KCNIP4: variants seen among roughly 807,000 people sequenced by gnomAD.
KCNIP4 encodes Kv channel-interacting protein 4.
Under a neutral mutation model 34.0 loss-of-function variants are expected in KCNIP4, and 12 were observed. The ratio of observed to expected loss-of-function variants is 0.35; its 90% confidence interval spans 0.23 to 0.57. The LOEUF (loss-of-function observed/expected upper bound fraction) is 0.57. KCNIP4 is among the 20% of genes least tolerant of loss of function. The pLI is 0.83. For synonymous variants in KCNIP4, 124 were observed against 102.2 expected, an observed-to-expected ratio of 1.21 and a Z score of -1.29; for missense variants, 238 against 311.7, an observed-to-expected ratio of 0.76 and a Z score of 1.78.
chr4:20,791,325 GT>G (rs1274080398), intron 3 of KCNIP4, among the ~76,000 whole-genome samples: 1 of 151,972 alleles, frequency 6.6e-6, no homozygotes, highest in East Asian at 1.9e-4. Context: ...GAAAACTGAT[GT>G]CAGTAGAAGC....
chr4:20,991,514 G>A (rs1235128310), intron 1 of KCNIP4, among the ~76,000 whole-genome samples: 2 of 152,188 alleles, frequency 1.3e-5, no homozygotes, highest in African/African-American at 4.8e-5. Context: ...AGGATACATA[G>A]ATGAATGGGG....
chr4:21,408,522 A>C (rs1724204197), intron 1 of KCNIP4, among the ~76,000 whole-genome samples: 1 of 152,182 alleles, frequency 6.6e-6, no homozygotes, highest in African/African-American at 2.4e-5. Context: ...CTGTGGTGTG[A>C]AGGTTTGAGG....
chr4:21,846,580 A>G (rs906410242), intron 1 of KCNIP4: 3 of 152,178 alleles, frequency 2.0e-5, no homozygotes, highest in East Asian at 1.9e-4. Context: ...CATACATTCA[A>G]TAAGTGTTGG....
At chr4:21,668,839 A>G (rs1443009497) in intron 1 of KCNIP4, among the ~76,000 whole-genome samples, 1 of 152,154 alleles carries the variant, frequency 6.6e-6, no homozygotes, top group African/African-American at 2.4e-5. Flanking sequence ...CTCTATTTAT[A>G]TCTACATACA....
chr4:21,464,372 C>T (rs1427103725), intron 1 of KCNIP4, among the ~76,000 whole-genome samples: 1 of 151,866 alleles, frequency 6.6e-6, no homozygotes, highest in East Asian at 1.9e-4. Flanking sequence ...AAGCTACATT[C>T]TATAATTTTT....
At chr4:21,562,389 C>A (rs1475669098) in intron 1 of KCNIP4, among the ~76,000 whole-genome samples, 1 of 151,930 alleles carries the variant, frequency 6.6e-6, no homozygotes, top group Non-Finnish European at 1.5e-5. Context: ...ATTAAAGAGC[C>A]ATTACCAAGA....
chr4:21,085,567 C>A (rs1236591834), intron 1 of KCNIP4, among the ~76,000 whole-genome samples: 1 of 152,196 alleles, frequency 6.6e-6, no homozygotes, highest in African/African-American at 2.4e-5. Flanking sequence ...TGGGAACACC[C>A]TGGTGACACC....
At chr4:21,044,631 T>C (rs1041663497) in intron 1 of KCNIP4, among the ~76,000 whole-genome samples, 2 of 152,152 alleles carry the variant, frequency 1.3e-5, no homozygotes, top group African/African-American at 4.8e-5. Context: ...TTGAACAGAA[T>C]GCAGACTGAC....
chr4:21,757,284 A>G (rs1276392703), intron 1 of KCNIP4, among the ~76,000 whole-genome samples: 14 of 86,448 alleles, frequency 1.6e-4, no homozygotes, highest in Admixed American at 4.2e-4. Flanking sequence ...AAAGAAAAGA[A>G]AAGAGAAAAG....
At chr4:21,065,741 T>TATA (rs1205829731) in intron 1 of KCNIP4, among the ~76,000 whole-genome samples, 1 of 141,082 alleles carries the variant, frequency 7.1e-6, no homozygotes, top group East Asian at 2.0e-4. Flanking sequence ...TATATATATA[T>TATA]ATATATATAT....
At chr4:21,384,703 G>T (rs543589215) in intron 1 of KCNIP4, among the ~76,000 whole-genome samples, 2 of 152,294 alleles carry the variant, frequency 1.3e-5, no homozygotes, top group African/African-American at 2.4e-5. Flanking sequence ...TTGCCAACTG[G>T]TATTGTCATT....
At chr4:21,859,489 G>A (rs114863026) in intron 1 of KCNIP4, among the ~76,000 whole-genome samples, 6,244 of 152,016 alleles carry the variant, frequency 0.041, 156 homozygotes, top group Middle Eastern at 0.072. Flanking sequence ...TTAGCCGGGC[G>A]TGGTGGTGGG....
At chr4:21,535,127 T>G (rs1001371852) in intron 1 of KCNIP4, among the ~76,000 whole-genome samples, 2 of 152,068 alleles carry the variant, frequency 1.3e-5, no homozygotes, top group African/African-American at 4.8e-5. Context: ...CAGCTGCTGC[T>G]CTAAAGATGA....
chr4:20,804,584 C>T (rs576778659), intron 3 of KCNIP4, among the ~76,000 whole-genome samples: 6 of 149,224 alleles, frequency 4.0e-5, no homozygotes, highest in African/African-American at 1.5e-4. Flanking sequence ...ATCTTTTTCT[C>T]TACTAGCTCT....
rs773981125 is a variant in KCNIP4, at chr4:21,358,157, C to T, written c.62-475448G>A. On this transcript the variant is annotated intron_variant, in intron 1 of 8. Transcript: ENST00000382152. ...ACACAGGGAAGAGAACATCACACAGCGGGGCCTGTCAGGTGGTGGGGGGCT... is the reference window on the plus strand; with the variant it reads ...ACACAGGGAAGAGAACATCACACAGTGGGGCCTGTCAGGTGGTGGGGGGCT... Among the ~76,000 whole-genome samples, 23 of 151,968 alleles carry T rather than the reference C, an allele frequency of 1.5e-4. No individual in the cohort carries two copies. In the East Asian group the frequency reaches 1.5e-3, roughly 10 times the overall value.
chr4:21,049,345 A>G (rs1439816580), intron 1 of KCNIP4, among the ~76,000 whole-genome samples: 3 of 152,148 alleles, frequency 2.0e-5, no homozygotes, highest in Non-Finnish European at 4.4e-5. Flanking sequence ...ATAATATATA[A>G]CAATAAATAA....
At chr4:21,428,855 A>G (rs1434909412) in intron 1 of KCNIP4, among the ~76,000 whole-genome samples, 1 of 152,200 alleles carries the variant, frequency 6.6e-6, no homozygotes, top group Non-Finnish European at 1.5e-5. Flanking sequence ...GATTCACAAC[A>G]AAATGGAATG....
At chr4:21,166,855 C>T (rs991661034) in intron 1 of KCNIP4, among the ~76,000 whole-genome samples, 18 of 140,202 alleles carry the variant, frequency 1.3e-4, no homozygotes, top group Middle Eastern at 3.9e-3. Flanking sequence ...AAGAGAATCG[C>T]TTGAACCTGG....
At chr4:21,128,720 T>C (rs748793268) in intron 1 of KCNIP4, among the ~76,000 whole-genome samples, 5 of 152,224 alleles carry the variant, frequency 3.3e-5, no homozygotes, top group African/African-American at 4.8e-5. Context: ...TAAACTAGCA[T>C]AGCCCATCTT....
Sources: gnomAD v4.1 joint callset for allele counts (sites outside exome capture counted in the v4.1 genomes callset) on GRCh38, gnomAD v4.1.1 for gene constraint, MANE v1.5 for transcripts, NCBI Gene and HGNC (gene_info 2026-07-23, HGNC 2026-07-21) for gene names.